The following PCSK7 variants were observed in gnomAD, a reference collection of about 807,000 sequenced individuals.
PCSK7 encodes the protein lymphoma proprotein convertase.
In PCSK7, 38 loss-of-function variants were observed where a neutral mutation model predicts 73.3. The ratio of observed to expected loss-of-function variants is 0.52; its 90% CI spans 0.40 to 0.68. The LOEUF (loss-of-function observed/expected upper bound fraction) is 0.68, where lower values mean the gene tolerates loss of function less well. Ranked by LOEUF, PCSK7 falls within the 30% of genes least tolerant of loss-of-function variation. PCSK7 has a pLI of 0.00. For missense variants in PCSK7, 692 were observed against 991.5 expected (o/e 0.70, Z 4.06); for synonymous variants, 296 against 383.8 (o/e 0.77, Z 2.68).
At chr11:117,215,380 G>GTGTGTGTGTGTGTGTGTGTATATATA (rs1164738557) in intron 12 of PCSK7, 1 of 55,896 alleles carries the variant, frequency 1.8e-5, no homozygotes, top group Non-Finnish European at 2.8e-5. Context: ...GTGTGTGTGT[G>GTGTGTGTGTGTGTGTGTGTATATATA]TATATATATA....
rs748122910 is a variant in PCSK7 at position 117,218,415 on chromosome 11, C to A, written c.1534+51G>T. The A allele has an allele frequency of 1.0e-6, 1 of 996,932 alleles. No individual in the cohort carries two copies. The highest frequency in any genetic ancestry group is 1.5e-6 in the Non-Finnish European group (1 of 679,058). The allele number at this position is 996,932 out of a possible 1,614,324, so 61.8% of individuals were successfully genotyped here. ...GGACGAGTTTAACTTCCTTGTCACCCGGCCCCAAACCTCAGGCCTAAGATT... is the reference window on the plus strand; with the variant it reads ...GGACGAGTTTAACTTCCTTGTCACCAGGCCCCAAACCTCAGGCCTAAGATT... On this transcript the variant is annotated intron_variant, in intron 12 of 16. Transcript: ENST00000320934. This position sits in a 1 kb window ranked among gnomAD's most constrained non-coding sequence, Gnocchi z 4.0.
At chr11:117,225,572 C>A in intron 6 of PCSK7, 1 of 287,186 alleles carries the variant, frequency 3.5e-6, no homozygotes, top group Non-Finnish European at 6.7e-6. Flanking sequence ...CCAGCACAGC[C>A]ATGCCCTGAA....
intron 12 of PCSK7, chr11:117,212,352 TGTC>T (rs2031764649): frequency 6.6e-6 from 1 of 152,144 alleles, no homozygotes; most frequent in Non-Finnish European, 1.5e-5. Flanking sequence ...TTTCCCCAGT[TGTC>T]GTCCCCTCCA....
chr11:117,221,304 TGA>T (rs1387234504), intron 9 of PCSK7: 1 of 152,224 alleles, frequency 6.6e-6, no homozygotes, highest in African/African-American at 2.4e-5. Context: ...GTTGTCTCAA[TGA>T]GAGTGGGAGC....
intron 4 of PCSK7, 130 bp downstream of exon 4, chr11:117,228,086 T>C (rs1254583201): frequency 1.2e-6 from 1 of 829,172 alleles, no homozygotes; most frequent in African/African-American, 1.7e-5. Context: ...AAGAAGAGGA[T>C]GAACCCCATC....
At chr11:117,223,494 G>A (rs2032288545) in intron 8 of PCSK7, 186 bp from the exon 9 acceptor site, 2 of 588,840 alleles carry the variant, frequency 3.4e-6, no homozygotes, top group African/African-American at 1.9e-5. Context: ...TCAAGTGGCA[G>A]AGGGCATTCT....
intron 12 of PCSK7, chr11:117,215,407 C>CATATACTTT: frequency 1.7e-5 from 1 of 58,792 alleles, no homozygotes; most frequent in South Asian, 9.6e-4. Context: ...TATATATATA[C>CATATACTTT]TTTTTTTTTT....
intron 12 of PCSK7, chr11:117,214,576 G>C (rs999243683): frequency 7.2e-5 from 11 of 152,248 alleles, no homozygotes; most frequent in African/African-American, 2.2e-4. Context: ...AATAGGGTCA[G>C]AGTGACAAGA....
At chr11:117,224,982 C>T in intron 6 of PCSK7, 1 of 546,730 alleles carries the variant, frequency 1.8e-6, no homozygotes, top group East Asian at 3.0e-5. Flanking sequence ...TTGTGAATGT[C>T]CCCATAGCCC....
rs1565310475 is a variant in PCSK7, at chr11:117,218,512, G to C, written c.1488C>G (p.Asn496Lys). ...ASYVSPVLKE[N>K]KAIPQSPRSL... The stretch of plus-strand genomic sequence containing the variant: ...AACGGGGGGACTGCGGAATCGCCTT[G>C]TTTTCTTTTAACACGGGACTGACGT... The change falls in exon 12 of 17, where the codon AAC (asparagine) becomes AAG (lysine). Residue 496 changes from asparagine (N) to lysine (K), a missense_variant. Coordinates refer to ENST00000320934, the MANE Select transcript of PCSK7 (RefSeq NM_004716.4). The surrounding 1 kb of genome is among the most constrained non-coding windows in gnomAD (Gnocchi z 4.0). 6 of 1,610,690 alleles carry C rather than the reference G, an allele frequency of 3.7e-6. No individual in the cohort carries two copies. Among genetic ancestry groups the C allele is most frequent in the Non-Finnish European group, 4.2e-6 (5 of 1,178,374 alleles).
intron 2 of PCSK7, 164 bp downstream of exon 2, chr11:117,230,185 A>C: frequency 3.7e-6 from 1 of 269,386 alleles, no homozygotes; most frequent in Non-Finnish European, 7.1e-6. Context: ...ACAGGGCTCA[A>C]AGCACACATC....
At chr11:117,212,717 T>A (rs1396621627) in intron 12 of PCSK7, 1 of 16,130 alleles carries the variant, frequency 6.2e-5, no homozygotes, top group African/African-American at 1.6e-3. Flanking sequence ...GGCCTTTTCT[T>A]TTTTTTTTTT....
chr11:117,215,322 A>C (rs1294455306), intron 12 of PCSK7: 1 of 144,862 alleles, frequency 6.9e-6, no homozygotes, highest in African/African-American at 2.6e-5. Context: ...CAACCTCTTG[A>C]ATAGCTGGGA....
intron 16 of PCSK7, 111 bp from the exon 17 acceptor site, chr11:117,206,467 T>G (rs893847140): frequency 1.4e-6 from 2 of 1,466,896 alleles, no homozygotes; most frequent in African/African-American, 2.9e-5. Context: ...GACTGCCTTT[T>G]TCACCCAAAC....
chr11:117,223,582 A>G, intron 8 of PCSK7: 1 of 499,310 alleles, frequency 2.0e-6, no homozygotes, highest in Middle Eastern at 5.2e-4. Flanking sequence ...TTATTCATTC[A>G]CATGCTTACT....
intron 12 of PCSK7, chr11:117,213,956 C>CTTTTTTTTTTT (rs1174445276): frequency 5.6e-4 from 53 of 93,938 alleles, no homozygotes; most frequent in Non-Finnish European, 7.8e-4. Context: ...TTTTCTTTTT[C>CTTTTTTTTTTT]TTTTTTTTTT....
At position 117,206,193 on chromosome 11, in the gene PCSK7, T is replaced by C; in HGVS notation, c.2162A>G (p.Glu721Gly). 1 of 1,614,070 alleles carries C rather than the reference T, an allele frequency of 6.2e-7. No individual in the cohort carries two copies. The highest frequency in any genetic ancestry group is 8.5e-7 in the Non-Finnish European group (1 of 1,179,966). ...RKAKEEGTEL[E>G]SVPLCSSKDP... is the part of the protein sequence containing the mutation. The stretch of plus-strand genomic sequence containing the variant: ...CTTGCTGCTGCAAAGTGGCACTGAT[T>C]CTAGCTCTGTCCCTTCCTCCTTGGC... Residue 721 changes from glutamate (E) to glycine (G), a missense_variant, in exon 17 of 17, where the codon GAA becomes GGA. Transcript: ENST00000320934.
rs1376280991 is a variant in PCSK7, at chr11:117,205,752, G to C, written c.*245C>G. ...GATGGAGGCCAAACCAAAGGGGGGC[G>C]CCAATCCCCTGTCCAACACCTTCTC... On this transcript the variant is annotated 3_prime_UTR_variant, in exon 17 of 17. Transcript: ENST00000320934. The C allele has an allele frequency of 2.5e-6, 1 of 397,360 alleles. No individual in the cohort carries two copies. The highest frequency in any genetic ancestry group is 2.0e-5 in the African/African-American group (1 of 48,920). The allele number at this position is 397,360 out of a possible 1,614,324, so 24.6% of individuals were successfully genotyped here. A position where few individuals can be genotyped will look rare whatever the true frequency, so the allele number is the denominator to read the frequency against.
In PCSK7 at chr11:117,224,112, A is replaced by G. The variant is rs1285187546; in HGVS notation, c.1020T>C (p.Asp340=). The change falls in exon 8 of 17, where the codon GAT becomes GAC. Residue 340 remains aspartate (D), a synonymous_variant. Coordinates refer to ENST00000320934, the MANE Select transcript of PCSK7 (RefSeq NM_004716.4). ...GGQHNDNCNY[D]GYANSIYTVT... is the part of the protein sequence containing the mutation. ...CGGTGTAGATGGAGTTGGCGTAGCC[A>G]TCGTAGTTGCAGTTGTCGTTGTGTT... 1 of 1,614,054 alleles carries G rather than the reference A, an allele frequency of 6.2e-7. No individual in the cohort carries two copies. The highest frequency in any genetic ancestry group is 1.1e-5 in the South Asian group (1 of 91,082).
Sources: gnomAD v4.1 joint callset for allele counts on GRCh38, gnomAD v4.1.1 for gene constraint, Gnocchi (gnomAD v3.1) non-coding constraint, MANE v1.5 for transcripts, NCBI Gene and HGNC (gene_info 2026-07-23, HGNC 2026-07-21) for gene names.